Variants in NRG3 observed in about 807,000 individuals in gnomAD.
NRG3 encodes the protein neuregulin 3, also known as pro-neuregulin-3, membrane-bound isoform.
A neutral mutation model predicts 66.9 loss-of-function variants in NRG3; 31 were observed. The ratio of observed to expected loss-of-function variants is 0.46; its 90% CI spans 0.35 to 0.63. The LOEUF (loss-of-function observed/expected upper bound fraction) is 0.63. Among genes scored for constraint, NRG3 ranks in the 20% least tolerant of loss-of-function variants. The pLI is 0.00. For synonymous variants in NRG3, 393 were observed against 359.4 expected, an observed-to-expected ratio of 1.09 and a Z score of -1.06; for missense variants, 910 against 878.9, an observed-to-expected ratio of 1.04 and a Z score of -0.45.
intron 1 of NRG3, among the ~76,000 whole-genome samples, chr10:82,208,669 A>G (rs2075251379): frequency 6.6e-6 from 1 of 152,140 alleles, no homozygotes; most frequent in Non-Finnish European, 1.5e-5. Flanking sequence ...AAAAAACTAC[A>G]GGAACGTCAA....
chr10:82,839,847 A>C (rs911650499), intron 3 of NRG3, among the ~76,000 whole-genome samples: 1 of 152,144 alleles, frequency 6.6e-6, no homozygotes, highest in Admixed American at 6.6e-5. Flanking sequence ...AATTAAGTGA[A>C]TATCTTTCTA....
intron 4 of NRG3, among the ~76,000 whole-genome samples, chr10:82,890,710 T>C (rs978627832): frequency 2.0e-5 from 3 of 152,234 alleles, no homozygotes; most frequent in African/African-American, 7.2e-5. Context: ...GTTGTGGTTT[T>C]GTTGTTTTGT....
chr10:82,682,274 C>T (rs2054157691), intron 2 of NRG3, among the ~76,000 whole-genome samples: 1 of 151,354 alleles, frequency 6.6e-6, no homozygotes, highest in African/African-American at 2.5e-5. Context: ...TGCACATTGT[C>T]CCTTCCTACT....
At chr10:82,440,706 TA>T (rs1414322623) in intron 2 of NRG3, among the ~76,000 whole-genome samples, 1 of 152,170 alleles carries the variant, frequency 6.6e-6, no homozygotes, top group Non-Finnish European at 1.5e-5. Context: ...TGCAAGAAGA[TA>T]GGTCCCATGG....
rs1181585152 is a variant in NRG3 at position 82,911,069 on chromosome 10, A to G, written c.1055-40400A>G. ...ATTCTTTAAATAGGGTAGAGGGTTT[A>G]CCTTCTGAATTTTCCATTTAGCATG... On this transcript the variant is annotated intron_variant, in intron 4 of 8. Coordinates refer to ENST00000372141, the MANE Select transcript of NRG3 (RefSeq NM_001010848.4). Among the ~76,000 whole-genome samples the G allele has an allele frequency of 2.6e-5, 4 of 152,212 alleles. No individual in the cohort carries two copies. The East Asian group carries it at 7.7e-4, about 29-fold the overall frequency.
At chr10:82,834,732 A>G (rs1423579807) in intron 3 of NRG3, among the ~76,000 whole-genome samples, 3 of 152,074 alleles carry the variant, frequency 2.0e-5, no homozygotes, top group South Asian at 2.1e-4. Context: ...CTAATTACCA[A>G]TATCCACTTA....
intron 1 of NRG3, among the ~76,000 whole-genome samples, chr10:81,892,212 G>C (rs1843072555): frequency 6.6e-6 from 1 of 151,918 alleles, no homozygotes; most frequent in Non-Finnish European, 1.5e-5. Context: ...CCAAGTGTGT[G>C]TGTCTCTTTG....
At chr10:82,313,032 G>T (rs1265616108) in intron 1 of NRG3, among the ~76,000 whole-genome samples, 1 of 152,108 alleles carries the variant, frequency 6.6e-6, no homozygotes, top group East Asian at 1.9e-4. Flanking sequence ...CTAAAAATTA[G>T]CAGGATGTGG....
At chr10:82,376,597 G>T (rs988708326) in intron 2 of NRG3, among the ~76,000 whole-genome samples, 1 of 152,154 alleles carries the variant, frequency 6.6e-6, no homozygotes, top group African/African-American at 2.4e-5. Flanking sequence ...TTATGAAGCA[G>T]ACTGACTTTT....
chr10:82,338,899 G>A (rs1397399538), intron 1 of NRG3, among the ~76,000 whole-genome samples: 3 of 152,088 alleles, frequency 2.0e-5, no homozygotes, highest in Non-Finnish European at 2.9e-5. Context: ...TTTAGAACTC[G>A]GCACACTAAA....
intron 1 of NRG3, among the ~76,000 whole-genome samples, chr10:82,045,899 A>G (rs1229304689): frequency 6.6e-6 from 1 of 150,788 alleles, no homozygotes; most frequent in Non-Finnish European, 1.5e-5. Context: ...GTTATTTCTA[A>G]GGGCTCTGTT....
intron 1 of NRG3, among the ~76,000 whole-genome samples, chr10:81,997,152 G>A (rs939629935): frequency 3.9e-5 from 6 of 152,060 alleles, no homozygotes; most frequent in African/African-American, 1.4e-4. Context: ...GACCTTCTGG[G>A]CCCCACAGTG....
chr10:82,265,298 G>A (rs2078239244), intron 1 of NRG3, among the ~76,000 whole-genome samples: 1 of 152,140 alleles, frequency 6.6e-6, no homozygotes, highest in Non-Finnish European at 1.5e-5. Flanking sequence ...TTTTGACAAT[G>A]GAAGGACAGA....
intron 2 of NRG3, among the ~76,000 whole-genome samples, chr10:82,471,511 A>G (rs142162297): frequency 3.9e-5 from 6 of 152,312 alleles, no homozygotes; most frequent in East Asian, 3.9e-4. Flanking sequence ...TCTGCAAACT[A>G]TATTACATAA....
chr10:82,347,512 G>A lies in NRG3; in HGVS notation c.824-11227G>A, dbSNP rs1445689748. Among the ~76,000 whole-genome samples the A allele has an allele frequency of 4.0e-5, 6 of 151,422 alleles. No individual in the cohort carries two copies. In the East Asian group the frequency reaches 1.2e-3, roughly 30 times the overall value. On this transcript the variant is annotated intron_variant, in intron 1 of 8. Coordinates refer to ENST00000372141, the MANE Select transcript of NRG3 (RefSeq NM_001010848.4). ...CTATGTGGTCAATTTTGGAATAGGT[G>A]TGGTGTGGTGCTGAAAAAAATGTAT...
At chr10:82,867,166 G>A (rs552725835) in intron 4 of NRG3, among the ~76,000 whole-genome samples, 1 of 152,244 alleles carries the variant, frequency 6.6e-6, no homozygotes, top group South Asian at 2.1e-4. Flanking sequence ...CTTGTCCAAG[G>A]TAGATGTATT....
intron 1 of NRG3, among the ~76,000 whole-genome samples, chr10:81,901,637 C>A (rs1024046774): frequency 6.6e-6 from 1 of 152,050 alleles, no homozygotes; most frequent in Admixed American, 6.5e-5. Flanking sequence ...CACTGCATTC[C>A]AGCCTAGGCA....
At chr10:82,905,209 C>T in intron 4 of NRG3, among the ~76,000 whole-genome samples, 1 of 152,166 alleles carries the variant, frequency 6.6e-6, no homozygotes, top group Non-Finnish European at 1.5e-5. Context: ...TATCCATATG[C>T]CTGTTCAGTT....
chr10:82,762,232 C>T (rs1180835131), intron 3 of NRG3, among the ~76,000 whole-genome samples: 1 of 151,970 alleles, frequency 6.6e-6, no homozygotes, highest in Admixed American at 6.6e-5. Flanking sequence ...AAGCAATCCA[C>T]CCACCTTAGA....
Sources: gnomAD v4.1 joint callset for allele counts (sites outside exome capture counted in the v4.1 genomes callset) on GRCh38, gnomAD v4.1.1 for gene constraint, MANE v1.5 for transcripts, NCBI Gene and HGNC (gene_info 2026-07-23, HGNC 2026-07-21) for gene names.